The following GRID1 variants were observed in gnomAD, a reference collection of about 807,000 sequenced individuals.
The protein encoded by GRID1 is glutamate receptor ionotropic, delta-1.
Under a neutral mutation model 98.0 loss-of-function variants are expected in GRID1, and 28 were observed. The ratio of observed to expected loss-of-function variants is 0.29; its 90% CI spans 0.21 to 0.39. The LOEUF (loss-of-function observed/expected upper bound fraction) is 0.39. GRID1 is among the 10% of genes least tolerant of loss of function. The pLI is 1.00. For missense variants in GRID1, 1,111 were observed against 1,340.5 expected (o/e 0.83, Z 2.67); for synonymous variants, 553 against 538.5 (o/e 1.03, Z -0.37).
chr10:86,305,606 T>C (rs1015565472), intron 2 of GRID1, among the ~76,000 whole-genome samples: 1 of 152,134 alleles, frequency 6.6e-6, no homozygotes, highest in Admixed American at 6.5e-5. Flanking sequence ...GGCCTCTGCA[T>C]GCAGACATTT....
intron 4 of GRID1, among the ~76,000 whole-genome samples, chr10:85,944,867 C>T (rs758813134): frequency 1.4e-4 from 22 of 151,886 alleles, no homozygotes; most frequent in Non-Finnish European, 2.6e-4. Flanking sequence ...AGTACAATTC[C>T]ATTTTTTCTA....
intron 12 of GRID1, among the ~76,000 whole-genome samples, chr10:85,712,181 T>C (rs796309272): frequency 4.2e-4 from 64 of 151,854 alleles, no homozygotes; most frequent in African/African-American, 1.5e-3. Context: ...ATATTAAATA[T>C]AAGTGGATTA....
At chr10:86,105,013 A>T (rs1844360098) in intron 4 of GRID1, among the ~76,000 whole-genome samples, 1 of 152,192 alleles carries the variant, frequency 6.6e-6, no homozygotes, top group South Asian at 2.1e-4. Flanking sequence ...TGACAAATCA[A>T]TCCTACCCAC....
intron 4 of GRID1, among the ~76,000 whole-genome samples, chr10:86,041,333 T>G (rs1589348018): frequency 6.6e-6 from 1 of 152,376 alleles, no homozygotes; most frequent in East Asian, 1.9e-4. Context: ...AATGTGCATC[T>G]GCTTGCACCA....
chr10:85,989,703 C>T (rs1842656245), intron 4 of GRID1, among the ~76,000 whole-genome samples: 1 of 152,216 alleles, frequency 6.6e-6, no homozygotes, highest in Non-Finnish European at 1.5e-5. Context: ...GAAACATTGT[C>T]TTCCACGAAA....
At chr10:85,979,024 A>G (rs1842509516) in intron 4 of GRID1, among the ~76,000 whole-genome samples, 1 of 152,118 alleles carries the variant, frequency 6.6e-6, no homozygotes, top group South Asian at 2.1e-4. Flanking sequence ...ACCCTTGACA[A>G]GAGCTGAACT....
At chr10:85,757,943 G>A (rs1336493064) in intron 8 of GRID1, among the ~76,000 whole-genome samples, 1 of 152,218 alleles carries the variant, frequency 6.6e-6, no homozygotes, top group African/African-American at 2.4e-5. Context: ...AGAAAGGCCA[G>A]GTAGGCAGGG....
At chr10:86,183,729 A>G (rs772309845) in intron 3 of GRID1, among the ~76,000 whole-genome samples, 2 of 152,248 alleles carry the variant, frequency 1.3e-5, no homozygotes, top group African/African-American at 4.8e-5. Flanking sequence ...ATTATGAATT[A>G]AGCTGCTACT....
intron 4 of GRID1, among the ~76,000 whole-genome samples, chr10:86,097,260 A>C (rs1271765514): frequency 6.6e-6 from 1 of 152,208 alleles, no homozygotes; most frequent in Admixed American, 6.5e-5. Context: ...TAGATATATA[A>C]TAGATGATAG....
At chr10:85,945,904 C>T (rs763413242) in intron 4 of GRID1, among the ~76,000 whole-genome samples, 3 of 152,046 alleles carry the variant, frequency 2.0e-5, no homozygotes, top group South Asian at 2.1e-4. Flanking sequence ...GAAATATTTC[C>T]GACCATTCAT....
At chr10:86,141,384 G>A (rs1031390874) in intron 3 of GRID1, among the ~76,000 whole-genome samples, 1 of 152,190 alleles carries the variant, frequency 6.6e-6, no homozygotes, top group African/African-American at 2.4e-5. Context: ...GAGTAGCAGG[G>A]CAAGTGTGCA....
At chr10:86,227,646 G>A (rs1206982569) in intron 2 of GRID1, among the ~76,000 whole-genome samples, 1 of 147,854 alleles carries the variant, frequency 6.8e-6, no homozygotes, top group Non-Finnish European at 1.5e-5. Context: ...TTCCTCACAC[G>A]TCTGAGCCCC....
intron 15 of GRID1, 21 bp downstream of exon 15, chr10:85,613,386 G>C: frequency 6.2e-7 from 1 of 1,602,366 alleles, no homozygotes; most frequent in Non-Finnish European, 8.5e-7. Context: ...TGAAAGGGAG[G>C]GCAGGCCCCA....
intron 4 of GRID1, among the ~76,000 whole-genome samples, chr10:86,095,999 T>C (rs80224138): frequency 0.055 from 8,436 of 152,214 alleles, 528 homozygotes; most frequent in African/African-American, 0.15. Flanking sequence ...AAAGAAACTG[T>C]AGTATATATA....
rs751020641 is a variant in GRID1, at chr10:85,723,048, T to C, written c.1952A>G (p.Asn651Ser). Reference protein sequence around the residue: ...TLIVCSSYTANLAAFLTVSRM... With the variant: ...TLIVCSSYTASLAAFLTVSRM... ...GGACACTGTGAGGAAGGCAGCAAGG[T>C]TGGCTGTGTAGGAGGAGCACACAAT... is the stretch of plus-strand genomic sequence containing the variant. Residue 651 changes from asparagine to serine, a missense_variant, in exon 12 of 16, where the codon AAC becomes AGC. By Grantham distance (46) the Asn-to-Ser change is conservative. Transcript: ENST00000327946. 13 of 1,612,562 alleles carry C rather than the reference T, an allele frequency of 8.1e-6. No homozygotes were observed. The highest frequency in any genetic ancestry group is 5.3e-5 in the African/African-American group (4 of 74,922).
At chr10:86,252,617 A>G (rs1846854940) in intron 2 of GRID1, among the ~76,000 whole-genome samples, 1 of 152,240 alleles carries the variant, frequency 6.6e-6, no homozygotes, top group South Asian at 2.1e-4. Flanking sequence ...GCTACAGTCA[A>G]TGACTTCCAT....
At chr10:86,250,677 C>T (rs1163344379) in intron 2 of GRID1, among the ~76,000 whole-genome samples, 5 of 150,056 alleles carry the variant, frequency 3.3e-5, no homozygotes, top group Admixed American at 6.6e-5. Flanking sequence ...CCGCCCAGTC[C>T]GGGAGGTGGG....
chr10:85,935,755 T>C (rs1263230254), intron 4 of GRID1, among the ~76,000 whole-genome samples: 5 of 152,234 alleles, frequency 3.3e-5, no homozygotes, highest in Non-Finnish European at 7.3e-5. Flanking sequence ...TTGTTAGCTC[T>C]GTATTTCGGA....
intron 12 of GRID1, among the ~76,000 whole-genome samples, chr10:85,720,903 C>T (rs1841694368): frequency 6.6e-6 from 1 of 152,060 alleles, no homozygotes; most frequent in African/African-American, 2.4e-5. Flanking sequence ...GGTGAAAAGA[C>T]AAGAGTTTGA....
Sources: gnomAD v4.1 joint callset for allele counts (sites outside exome capture counted in the v4.1 genomes callset) on GRCh38, gnomAD v4.1.1 for gene constraint, MANE v1.5 for transcripts, NCBI Gene and HGNC (gene_info 2026-07-23, HGNC 2026-07-21) for gene names.